SUMF1: variants seen among roughly 807,000 people sequenced by gnomAD.
SUMF1 encodes the protein formylglycine-generating enzyme.
SUMF1 carries 48 observed loss-of-function variants against 47.6 expected under a neutral mutation model. That is an observed-to-expected ratio of 1.01 (90% confidence interval 0.80 to 1.28). The LOEUF (loss-of-function observed/expected upper bound fraction) is 1.28, where lower values mean the gene tolerates loss of function less well. Among genes scored for constraint, SUMF1 ranks in the 50% most tolerant of loss-of-function variants. SUMF1 has a pLI of 0.00. For missense variants in SUMF1, 571 were observed against 485.4 expected, an observed-to-expected ratio of 1.18 and a Z score of -1.66; for synonymous variants, 230 against 192.1, an observed-to-expected ratio of 1.20 and a Z score of -1.63.
chr3:4,288,945 C>T (rs894789836), intron 8 of SUMF1, among the ~76,000 whole-genome samples: 5 of 152,180 alleles, frequency 3.3e-5, no homozygotes, highest in African/African-American at 9.7e-5. Context: ...CCATGAAAAT[C>T]AAGAAGGACC....
intron 8 of SUMF1, among the ~76,000 whole-genome samples, chr3:4,170,580 C>A (rs779006169): frequency 6.6e-6 from 1 of 152,154 alleles, no homozygotes; most frequent in African/African-American, 2.4e-5. Context: ...TGATTTAAAA[C>A]TTCCTAGTAA....
At chr3:4,425,422 T>C (rs762897839) in intron 3 of SUMF1, among the ~76,000 whole-genome samples, 2 of 152,220 alleles carry the variant, frequency 1.3e-5, no homozygotes, top group African/African-American at 4.8e-5. Flanking sequence ...TGTTATTACA[T>C]GTTACAATAT....
intron 8 of SUMF1, among the ~76,000 whole-genome samples, chr3:4,210,044 T>G (rs1288641479): frequency 6.6e-6 from 1 of 151,920 alleles, no homozygotes; most frequent in African/African-American, 2.4e-5. Flanking sequence ...ACAGGTGTGT[T>G]CCACCACACC....
At chr3:4,137,666 C>T (rs1055597661) in intron 8 of SUMF1, among the ~76,000 whole-genome samples, 1 of 151,966 alleles carries the variant, frequency 6.6e-6, no homozygotes, top group African/African-American at 2.4e-5. Context: ...ATTTCCTCAA[C>T]CTGATAAAGG....
At chr3:4,295,554 G>A (rs959515159) in intron 8 of SUMF1, among the ~76,000 whole-genome samples, 11 of 151,992 alleles carry the variant, frequency 7.2e-5, no homozygotes, top group African/African-American at 2.7e-4. Flanking sequence ...AACGAACCGC[G>A]GGCTGTGCTT....
At chr3:4,041,542 G>A (rs970863956) in intron 9 of SUMF1, among the ~76,000 whole-genome samples, 1 of 152,196 alleles carries the variant, frequency 6.6e-6, no homozygotes, top group African/African-American at 2.4e-5. Flanking sequence ...AAAAGCAGCA[G>A]ATGGTAAAAT....
intron 8 of SUMF1, among the ~76,000 whole-genome samples, chr3:4,196,013 T>C (rs1382023630): frequency 1.3e-5 from 2 of 152,132 alleles, no homozygotes; most frequent in Non-Finnish European, 2.9e-5. Context: ...TTAGATCATA[T>C]CAATTATACA....
chr3:4,047,845 T>C (rs1171820313), intron 9 of SUMF1, among the ~76,000 whole-genome samples: 2 of 152,124 alleles, frequency 1.3e-5, no homozygotes, highest in Non-Finnish European at 2.9e-5. Flanking sequence ...TAAGAGTAAA[T>C]ATTGGTTGCC....
chr3:4,215,982 T>C, intron 8 of SUMF1, among the ~76,000 whole-genome samples: 1 of 152,156 alleles, frequency 6.6e-6, no homozygotes, highest in East Asian at 1.9e-4. Flanking sequence ...AATTTATAGA[T>C]TCAATGCTAT....
intron 8 of SUMF1, among the ~76,000 whole-genome samples, chr3:4,127,205 C>T (rs1166431390): frequency 3.3e-5 from 5 of 152,150 alleles, no homozygotes; most frequent in African/African-American, 1.2e-4. Context: ...ACCTAGAGAG[C>T]TGAAATGGCT....
intron 1 of SUMF1, among the ~76,000 whole-genome samples, chr3:4,463,965 A>C (rs1036807571): frequency 1.3e-5 from 2 of 152,178 alleles, no homozygotes; most frequent in Non-Finnish European, 2.9e-5. Flanking sequence ...AATCGCCATA[A>C]CTTTCTAGTG....
intron 8 of SUMF1, among the ~76,000 whole-genome samples, chr3:4,151,554 T>TACACACAC (rs781615061): frequency 1.4e-4 from 14 of 98,242 alleles, no homozygotes; most frequent in African/African-American, 6.1e-4. Flanking sequence ...TGTGTGTGTA[T>TACACACAC]ATACACACAC....
intron 8 of SUMF1, among the ~76,000 whole-genome samples, chr3:4,117,301 C>T (rs1016715089): frequency 8.6e-5 from 13 of 151,844 alleles, no homozygotes; most frequent in Admixed American, 7.2e-4. Context: ...GGCCATGGAC[C>T]TCCCTTTCCA....
intron 8 of SUMF1, among the ~76,000 whole-genome samples, chr3:4,082,610 A>G (rs1432425532): frequency 2.0e-5 from 3 of 152,162 alleles, no homozygotes; most frequent in African/African-American, 7.2e-5. Context: ...ATGTGGAGTG[A>G]AAGAGATTAG....
chr3:4,119,614 T>G (rs1025568408), intron 8 of SUMF1, among the ~76,000 whole-genome samples: 1 of 152,120 alleles, frequency 6.6e-6, no homozygotes, highest in Non-Finnish European at 1.5e-5. Flanking sequence ...AAAATTCTTC[T>G]TCAGTGTTCC....
chr3:4,234,046 G>T (rs1272993253), intron 8 of SUMF1, among the ~76,000 whole-genome samples: 1 of 151,964 alleles, frequency 6.6e-6, no homozygotes, highest in Non-Finnish European at 1.5e-5. Context: ...TTTTCTAAAG[G>T]CGCCTAAACT....
chr3:4,292,804 C>T (rs1019261845), intron 8 of SUMF1, among the ~76,000 whole-genome samples: 1 of 152,128 alleles, frequency 6.6e-6, no homozygotes, highest in African/African-American at 2.4e-5. Flanking sequence ...AACAAAAATG[C>T]TCTTTGGGGG....
At chr3:4,125,389 T>C (rs1693634152) in intron 8 of SUMF1, among the ~76,000 whole-genome samples, 1 of 85,972 alleles carries the variant, frequency 1.2e-5, no homozygotes, top group Non-Finnish European at 3.1e-5. Context: ...CTATGCTTTA[T>C]TATCTTTACA....
intron 8 of SUMF1, among the ~76,000 whole-genome samples, chr3:4,093,054 G>A (rs1453252415): frequency 6.6e-6 from 1 of 152,102 alleles, no homozygotes; most frequent in East Asian, 1.9e-4. Flanking sequence ...TGGGTAGACT[G>A]GCTTCTGATC....
Sources: allele counts gnomAD v4.1 joint callset (sites outside exome capture counted in the v4.1 genomes callset), GRCh38; gene constraint gnomAD v4.1.1; transcripts MANE v1.5; gene names NCBI Gene and HGNC (gene_info 2026-07-23, HGNC 2026-07-21).